Variants in MARCHF1 observed in about 807,000 individuals in gnomAD.
MARCHF1 encodes the protein E3 ubiquitin-protein ligase MARCHF1.
Under a neutral mutation model 54.2 loss-of-function variants are expected in MARCHF1, and 40 were observed. That is an observed-to-expected ratio of 0.74 (90% CI 0.57 to 0.96). The LOEUF (loss-of-function observed/expected upper bound fraction) is 0.96. Among genes scored for constraint, MARCHF1 ranks in the 40% least tolerant of loss-of-function variants. The pLI, the probability that MARCHF1 is intolerant of heterozygous loss-of-function variation, is 0.00. For synonymous variants in MARCHF1, 236 were observed against 236.3 expected (o/e 1.00, Z 0.01); for missense variants, 586 against 656.5 (o/e 0.89, Z 1.17).
intron 2 of MARCHF1, among the ~76,000 whole-genome samples, chr4:164,072,006 A>G (rs1560890721): frequency 6.6e-6 from 1 of 152,094 alleles, no homozygotes; most frequent in Non-Finnish European, 1.5e-5. Context: ...ATGACTATGC[A>G]TCTGCAGATA....
intron 2 of MARCHF1, among the ~76,000 whole-genome samples, chr4:164,072,198 T>C (rs1461304130): frequency 6.6e-6 from 1 of 152,258 alleles, no homozygotes; most frequent in Non-Finnish European, 1.5e-5. Context: ...TATTACGTCG[T>C]AATTTGTTTC....
rs930610737 is a variant in MARCHF1, at chr4:164,053,409, T to G, written c.-248+58179A>C. Among the ~76,000 whole-genome samples the G allele has an allele frequency of 1.4e-4, 21 of 152,164 alleles. 1 individual carries two copies. The highest frequency in any genetic ancestry group is 1.5e-5 in the Non-Finnish European group (1 of 68,020). On this transcript the variant is annotated intron_variant, in intron 2 of 9. Coordinates refer to ENST00000514618, the MANE Select transcript of MARCHF1 (RefSeq NM_001394959.1). ...ATTTCTCATTCTAAGATGCCATGTT[T>G]AAACATAGAAAAAGCCCTCATACAG...
At chr4:163,538,737 C>T (rs1474393654) in intron 9 of MARCHF1, among the ~76,000 whole-genome samples, 1 of 151,946 alleles carries the variant, frequency 6.6e-6, no homozygotes, top group East Asian at 1.9e-4. Context: ...CACCTAAACT[C>T]AGATAGCTAT....
chr4:163,666,265 G>A (rs749727963), intron 5 of MARCHF1, among the ~76,000 whole-genome samples: 63 of 151,984 alleles, frequency 4.1e-4, no homozygotes, highest in African/African-American at 1.4e-3. Flanking sequence ...GATAACATAC[G>A]GCTTTATAAT....
chr4:163,694,379 A>G (rs1452540542), intron 5 of MARCHF1, among the ~76,000 whole-genome samples: 1 of 152,168 alleles, frequency 6.6e-6, no homozygotes, highest in African/African-American at 2.4e-5. Flanking sequence ...CTGCATGTAA[A>G]GAGAATCAAA....
intron 4 of MARCHF1, among the ~76,000 whole-genome samples, chr4:163,704,226 A>T (rs1465508938): frequency 6.6e-6 from 1 of 152,040 alleles, no homozygotes; most frequent in South Asian, 2.1e-4. Flanking sequence ...TCAGGTTAAA[A>T]ATCCCAAGTA....
chr4:163,865,048 C>T (rs1388579057), intron 3 of MARCHF1, among the ~76,000 whole-genome samples: 1 of 151,824 alleles, frequency 6.6e-6, no homozygotes, highest in African/African-American at 2.4e-5. Context: ...GTTCCACTCC[C>T]GTCTCTCTTT....
chr4:164,335,166 A>G (rs2110819691), intron 1 of MARCHF1, among the ~76,000 whole-genome samples: 1 of 152,336 alleles, frequency 6.6e-6, no homozygotes, highest in Non-Finnish European at 1.5e-5. Context: ...GCAGGGTTTG[A>G]GAGGGTTGAC....
intron 3 of MARCHF1, among the ~76,000 whole-genome samples, chr4:163,922,357 G>A (rs1751449990): frequency 6.6e-6 from 1 of 152,038 alleles, no homozygotes; most frequent in Non-Finnish European, 1.5e-5. Context: ...AGAACTTAAA[G>A]TATAATAATA....
At chr4:163,589,998 T>C (rs1221448546) in intron 7 of MARCHF1, among the ~76,000 whole-genome samples, 1 of 151,956 alleles carries the variant, frequency 6.6e-6, no homozygotes, top group Non-Finnish European at 1.5e-5. Flanking sequence ...ACATTATTTC[T>C]AGCTATCTGT....
chr4:164,023,375 C>T lies in MARCHF1; in HGVS notation c.-247-34666G>A, dbSNP rs544879501. Among the ~76,000 whole-genome samples, 24 of 152,238 alleles carry T rather than the reference C, an allele frequency of 1.6e-4. 1 individual carries two copies. Among genetic ancestry groups the T allele is most frequent in the African/African-American group, 5.5e-4 (23 of 41,538 alleles). On this transcript the variant is annotated intron_variant, in intron 2 of 9. Coordinates refer to ENST00000514618, the MANE Select transcript of MARCHF1 (RefSeq NM_001394959.1). ...GCACTGCTTGCAACACAAGGAAATA[C>T]AAAAGAGCCTCTAAAGGAAGTAAGA...
At chr4:164,110,909 T>C (rs545883327) in intron 2 of MARCHF1, among the ~76,000 whole-genome samples, 2 of 151,812 alleles carry the variant, frequency 1.3e-5, no homozygotes, top group South Asian at 4.1e-4. Context: ...AATTTCAACT[T>C]TGAGATACTG....
At chr4:164,152,506 A>T (rs1441778138) in intron 1 of MARCHF1, among the ~76,000 whole-genome samples, 1 of 152,134 alleles carries the variant, frequency 6.6e-6, no homozygotes, top group African/African-American at 2.4e-5. Flanking sequence ...TAACATTATG[A>T]AACAAGGAAA....
chr4:163,710,975 G>A (rs1511783), intron 4 of MARCHF1, among the ~76,000 whole-genome samples: 46,413 of 151,714 alleles, frequency 0.31, 8,909 homozygotes, highest in Non-Finnish European at 0.44. Flanking sequence ...ATTTTTTCCC[G>A]AAATTCTGTT....
At chr4:164,247,351 A>G (rs368921974) in intron 1 of MARCHF1, among the ~76,000 whole-genome samples, 16 of 149,416 alleles carry the variant, frequency 1.1e-4, no homozygotes, top group Non-Finnish European at 1.8e-4. Flanking sequence ...GTAAACTATC[A>G]CAAGAACAAA....
chr4:163,711,279 C>T (rs1745098576), intron 4 of MARCHF1, among the ~76,000 whole-genome samples: 1 of 152,186 alleles, frequency 6.6e-6, no homozygotes, highest in African/African-American at 2.4e-5. Flanking sequence ...CCTATAAGTG[C>T]TTAACATTCC....
At chr4:163,587,660 A>T (rs1171175509) in intron 7 of MARCHF1, among the ~76,000 whole-genome samples, 1 of 152,120 alleles carries the variant, frequency 6.6e-6, no homozygotes, top group East Asian at 1.9e-4. Context: ...CTACCTATGA[A>T]GTCCTTTGTT....
At chr4:163,544,452 A>G (rs1448864634) in intron 9 of MARCHF1, among the ~76,000 whole-genome samples, 1 of 152,154 alleles carries the variant, frequency 6.6e-6, no homozygotes, top group African/African-American at 2.4e-5. Context: ...CGCTGTCACC[A>G]TCCCCTCTTT....
intron 1 of MARCHF1, among the ~76,000 whole-genome samples, chr4:164,348,864 A>G (rs771119295): frequency 1.3e-4 from 20 of 152,160 alleles, no homozygotes; most frequent in Non-Finnish European, 2.5e-4. Flanking sequence ...TCTTCCAGAT[A>G]CAGAAGATAC....
Sources: allele counts gnomAD v4.1 joint callset (sites outside exome capture counted in the v4.1 genomes callset), GRCh38; gene constraint gnomAD v4.1.1; transcripts MANE v1.5; gene names NCBI Gene and HGNC (gene_info 2026-07-23, HGNC 2026-07-21).